LRFN2: variants seen among roughly 807,000 people sequenced by gnomAD.
The protein encoded by LRFN2 is leucine-rich repeat and fibronectin type-III domain-containing protein 2.
A neutral mutation model predicts 37.3 loss-of-function variants in LRFN2; 18 were observed. The ratio of observed to expected loss-of-function variants is 0.48; its 90% CI spans 0.33 to 0.72. LRFN2 has a LOEUF of 0.72. Among genes scored for constraint, LRFN2 ranks in the 30% least tolerant of loss-of-function variants. The pLI is 0.02. For synonymous variants in LRFN2, 556 were observed against 466.6 expected, an observed-to-expected ratio of 1.19 and a Z score of -2.47; for missense variants, 1,006 against 1,060.7, an observed-to-expected ratio of 0.95 and a Z score of 0.72.
intron 1 of LRFN2, among the ~76,000 whole-genome samples, chr6:40,575,183 T>C (rs2113796656): frequency 6.6e-6 from 1 of 152,108 alleles, no homozygotes; most frequent in Non-Finnish European, 1.5e-5. Flanking sequence ...CAGCAGGGCC[T>C]CCTCACTGCT....
At chr6:40,443,962 A>G (rs1763905155) in intron 1 of LRFN2, among the ~76,000 whole-genome samples, 1 of 152,108 alleles carries the variant, frequency 6.6e-6, no homozygotes, top group Non-Finnish European at 1.5e-5. Flanking sequence ...CCCACTGACA[A>G]CCTAGGGCTG....
intron 1 of LRFN2, among the ~76,000 whole-genome samples, chr6:40,538,306 C>A (rs1346097675): frequency 6.6e-6 from 1 of 152,078 alleles, no homozygotes; most frequent in Non-Finnish European, 1.5e-5. Flanking sequence ...TCCCCTACTC[C>A]CGGGCCTCCA....
At position 40,432,131 on chromosome 6, in the gene LRFN2, C is replaced by T. The variant is rs371674528; in HGVS notation, c.983G>A (p.Arg328His). Residue 328 changes from arginine to histidine, a missense_variant, in exon 2 of 3, where the codon CGC (arginine) becomes CAC (histidine). Transcript: ENST00000338305. ...PLIHWVAPDD[R>H]LVGNSSRTAV... is the part of the protein sequence containing the mutation. ...GGTCCTTGAGGAGTTCCCTACCAGG[C>T]GGTCATCGGGGGCTACCCAGTGGAT... 5.5e-5 allele frequency: 89 copies of T among 1,613,738 alleles called. 1 individual carries two copies. Among genetic ancestry groups the T allele is most frequent in the South Asian group, 1.2e-4 (11 of 91,054 alleles).
intron 1 of LRFN2, among the ~76,000 whole-genome samples, chr6:40,570,408 T>G (rs913741512): frequency 5.9e-5 from 9 of 152,146 alleles, no homozygotes; most frequent in Admixed American, 5.2e-4. Flanking sequence ...ATTTTACACA[T>G]GAAGAAACTG....
At chr6:40,417,560 G>A (rs1381291012) in intron 2 of LRFN2, among the ~76,000 whole-genome samples, 3 of 152,180 alleles carry the variant, frequency 2.0e-5, no homozygotes, top group African/African-American at 7.2e-5. Context: ...AGAGTACAAG[G>A]TTGTGGGGTA....
intron 2 of LRFN2, among the ~76,000 whole-genome samples, chr6:40,414,205 C>T (rs1346022206): frequency 2.0e-5 from 3 of 152,170 alleles, no homozygotes; most frequent in Admixed American, 6.5e-5. Flanking sequence ...GTAACCCTGC[C>T]TCCCAGGGGG....
chr6:40,485,302 C>T (rs1764928989), intron 1 of LRFN2, among the ~76,000 whole-genome samples: 1 of 152,188 alleles, frequency 6.6e-6, no homozygotes, highest in South Asian at 2.1e-4. Flanking sequence ...CCCTTCCCTA[C>T]TGCAGTTTGT....
At chr6:40,573,871 G>A (rs1169317897) in intron 1 of LRFN2, among the ~76,000 whole-genome samples, 2 of 152,176 alleles carry the variant, frequency 1.3e-5, no homozygotes, top group East Asian at 1.9e-4. Flanking sequence ...TAAAGGAGGA[G>A]AATCACTTGA....
At chr6:40,415,321 G>T (rs912675917) in intron 2 of LRFN2, among the ~76,000 whole-genome samples, 1 of 152,094 alleles carries the variant, frequency 6.6e-6, no homozygotes, top group Admixed American at 6.6e-5. Flanking sequence ...CACCTCCTGG[G>T]TTCATGTGAC....
chr6:40,435,052 T>TATAGAGAGAGAGAGAG (rs1482968698), intron 1 of LRFN2, among the ~76,000 whole-genome samples: 4 of 37,542 alleles, frequency 1.1e-4, no homozygotes, highest in African/African-American at 3.8e-4. Flanking sequence ...TATATATATA[T>TATAGAGAGAGAGAGAG]AGAGAGAGAG....
At chr6:40,586,001 G>T (rs775138941) in intron 1 of LRFN2, among the ~76,000 whole-genome samples, 1 of 152,092 alleles carries the variant, frequency 6.6e-6, no homozygotes, top group Admixed American at 6.5e-5. Context: ...GTCTGCTGTC[G>T]CCGGGTGCAT....
intron 1 of LRFN2, among the ~76,000 whole-genome samples, chr6:40,505,395 A>G (rs1321261254): frequency 6.6e-6 from 1 of 152,184 alleles, no homozygotes; most frequent in Non-Finnish European, 1.5e-5. Context: ...ACCATAATCC[A>G]TGGTTTCGGA....
intron 1 of LRFN2, among the ~76,000 whole-genome samples, chr6:40,559,079 G>T (rs1403846689): frequency 1.3e-5 from 2 of 152,016 alleles, no homozygotes; most frequent in Non-Finnish European, 2.9e-5. Context: ...AAGAGCATAT[G>T]TTGGGGTGTC....
chr6:40,574,683 G>T lies in LRFN2; in HGVS notation c.-19+12258C>A, dbSNP rs76203567. 8.1e-3 allele frequency among the ~76,000 whole-genome samples: 1,239 copies of T among 152,322 alleles called. 6 individuals carry two copies. Among genetic ancestry groups the T allele is most frequent in the Non-Finnish European group, 0.014 (932 of 68,034 alleles). On this transcript the variant is annotated intron_variant, in intron 1 of 2. Transcript: ENST00000338305. ...TTGGGAGGCACTGCAGGTACCTGCG[G>T]CTCCAGAATAAAATCCAGGCAGCTC...
chr6:40,550,532 A>G (rs1766756416), intron 1 of LRFN2, among the ~76,000 whole-genome samples: 1 of 152,202 alleles, frequency 6.6e-6, no homozygotes, highest in African/African-American at 2.4e-5. Context: ...CAGAGAAGAC[A>G]ATGGACAAGA....
intron 1 of LRFN2, among the ~76,000 whole-genome samples, chr6:40,522,708 A>G (rs1382436916): frequency 6.6e-6 from 1 of 152,160 alleles, no homozygotes; most frequent in African/African-American, 2.4e-5. Flanking sequence ...GCCCCTTCCT[A>G]TGGAGGAATC....
chr6:40,412,407 C>A lies in LRFN2; in HGVS notation c.1400+19307G>T, dbSNP rs56270071. On this transcript the variant is annotated intron_variant, in intron 2 of 2. Coordinates refer to ENST00000338305, the MANE Select transcript of LRFN2 (RefSeq NM_020737.3). Reference sequence around the variant, plus strand: ...AAAAGCAAGCGAGGTCCCACCCCTGCCTAGCCTGGGGCTGCACAGCTCCGG... The same window carrying A: ...AAAAGCAAGCGAGGTCCCACCCCTGACTAGCCTGGGGCTGCACAGCTCCGG... Among the ~76,000 whole-genome samples, 408 of 152,290 alleles carry A rather than the reference C, an allele frequency of 2.7e-3. 2 individuals carry two copies. The highest frequency in any genetic ancestry group is 4.6e-3 in the Non-Finnish European group (315 of 68,024).
At position 40,401,920 on chromosome 6, in the gene LRFN2, C is replaced by T. The variant is rs1396241959; in HGVS notation, c.1401-9008G>A. Among the ~76,000 whole-genome samples the T allele has an allele frequency of 2.6e-5, 4 of 152,244 alleles. No homozygotes were observed. The East Asian group carries it at 7.8e-4, about 30-fold the overall frequency. ...TTGGAAGGGCCACATCAGGCTTCCCCTACCCGACCCCTGGCTCTCTGTGTC... is the reference window on the plus strand; with the variant it reads ...TTGGAAGGGCCACATCAGGCTTCCCTTACCCGACCCCTGGCTCTCTGTGTC... On this transcript the variant is annotated intron_variant, in intron 2 of 2. Coordinates refer to ENST00000338305, the MANE Select transcript of LRFN2 (RefSeq NM_020737.3).
chr6:40,528,756 G>A (rs1359390992), intron 1 of LRFN2, among the ~76,000 whole-genome samples: 1 of 152,122 alleles, frequency 6.6e-6, no homozygotes, highest in African/African-American at 2.4e-5. Flanking sequence ...ATCCTAAGTT[G>A]AAACATCCTA....
Sources: gnomAD v4.1 joint callset for allele counts (sites outside exome capture counted in the v4.1 genomes callset) on GRCh38, gnomAD v4.1.1 for gene constraint, MANE v1.5 for transcripts, NCBI Gene and HGNC (gene_info 2026-07-23, HGNC 2026-07-21) for gene names.